Variants in GRID2 observed in about 807,000 individuals in gnomAD.
GRID2 encodes glutamate ionotropic receptor delta type subunit 2.
A neutral mutation model predicts 114.8 loss-of-function variants in GRID2; 33 were observed. That is an observed-to-expected ratio of 0.29 (90% confidence interval 0.22 to 0.38). The LOEUF (loss-of-function observed/expected upper bound fraction) is 0.38. Among genes scored for constraint, GRID2 ranks in the 10% least tolerant of loss-of-function variants. GRID2 has a pLI of 1.00. For synonymous variants in GRID2, 505 were observed against 449.9 expected, an observed-to-expected ratio of 1.12 and a Z score of -1.55; for missense variants, 1,184 against 1,257.7, an observed-to-expected ratio of 0.94 and a Z score of 0.89.
At chr4:92,416,320 A>G (rs984319168) in intron 1 of GRID2, among the ~76,000 whole-genome samples, 14 of 152,216 alleles carry the variant, frequency 9.2e-5, no homozygotes, top group African/African-American at 3.1e-4. Context: ...TGTCGGATGC[A>G]TAGTTTGCAA....
At chr4:92,846,153 C>T (rs1270576538) in intron 2 of GRID2, among the ~76,000 whole-genome samples, 1 of 152,076 alleles carries the variant, frequency 6.6e-6, no homozygotes, top group Non-Finnish European at 1.5e-5. Context: ...CTTTCGTCTT[C>T]ATTTCTGTTT....
chr4:92,501,927 C>T (rs908031107), intron 1 of GRID2, among the ~76,000 whole-genome samples: 4 of 152,080 alleles, frequency 2.6e-5, no homozygotes, highest in African/African-American at 7.2e-5. Flanking sequence ...TGGATATAGG[C>T]ATAGAATATT....
At chr4:92,419,850 T>C (rs563016042) in intron 1 of GRID2, among the ~76,000 whole-genome samples, 13 of 152,234 alleles carry the variant, frequency 8.5e-5, no homozygotes, top group African/African-American at 3.1e-4. Flanking sequence ...TAGTCAATAG[T>C]AATCATCAGA....
chr4:92,987,042 A>G (rs1254955074), intron 2 of GRID2, among the ~76,000 whole-genome samples: 1 of 152,196 alleles, frequency 6.6e-6, no homozygotes, highest in Non-Finnish European at 1.5e-5. Context: ...TTCAGAGTAG[A>G]TTCTTAACAA....
At chr4:92,665,295 A>G (rs1293816773) in intron 2 of GRID2, among the ~76,000 whole-genome samples, 1 of 150,836 alleles carries the variant, frequency 6.6e-6, no homozygotes, top group Non-Finnish European at 1.5e-5. Context: ...TAACAAAAAA[A>G]AAAAAAACCT....
chr4:92,916,723 G>C (rs963802738), intron 2 of GRID2, among the ~76,000 whole-genome samples: 5 of 152,134 alleles, frequency 3.3e-5, no homozygotes, highest in African/African-American at 9.7e-5. Flanking sequence ...GTATTCCATG[G>C]TGTATATGTG....
chr4:93,612,507 G>T (rs1249935601), intron 13 of GRID2, among the ~76,000 whole-genome samples: 2 of 116,946 alleles, frequency 1.7e-5, no homozygotes, highest in African/African-American at 3.3e-5. Context: ...GGCAGGCCTG[G>T]TGGTGACAAA....
intron 14 of GRID2, among the ~76,000 whole-genome samples, chr4:93,752,854 C>A (rs1732442023): frequency 6.6e-6 from 1 of 152,068 alleles, no homozygotes; most frequent in Non-Finnish European, 1.5e-5. Context: ...CATTGTTTTG[C>A]AGGTAAAATC....
intron 2 of GRID2, among the ~76,000 whole-genome samples, chr4:92,805,368 G>A (rs1740360513): frequency 1.3e-5 from 2 of 151,872 alleles, no homozygotes; most frequent in African/African-American, 4.8e-5. Flanking sequence ...GGTGTTAATA[G>A]AAATTACTAT....
rs181835350 is a variant in GRID2, at chr4:92,665,972, G to A, written c.244+75686G>A. Among the ~76,000 whole-genome samples the A allele has an allele frequency of 3.3e-5, 5 of 151,182 alleles. No individual in the cohort carries two copies. In the East Asian group the frequency reaches 9.7e-4, roughly 29 times the overall value. ...ATATTCCTGTCTTTCCTCAAATTTTGGAAATTTTCAGAAACTATTTAAATA... is the reference window on the plus strand; with the variant it reads ...ATATTCCTGTCTTTCCTCAAATTTTAGAAATTTTCAGAAACTATTTAAATA... On this transcript the variant is annotated intron_variant, in intron 2 of 15. Transcript: ENST00000282020.
chr4:93,582,845 A>G (rs757573771), intron 13 of GRID2, among the ~76,000 whole-genome samples: 7 of 152,208 alleles, frequency 4.6e-5, no homozygotes, highest in Non-Finnish European at 1.0e-4. Flanking sequence ...ATTTTGTATG[A>G]CATTGTATTA....
intron 1 of GRID2, among the ~76,000 whole-genome samples, chr4:92,391,049 G>A (rs1301296140): frequency 1.3e-5 from 2 of 152,120 alleles, no homozygotes; most frequent in African/African-American, 4.8e-5. Flanking sequence ...CTTACTAATA[G>A]CCAAAGAAGT....
intron 1 of GRID2, among the ~76,000 whole-genome samples, chr4:92,480,631 A>C (rs1722540954): frequency 6.6e-6 from 1 of 152,118 alleles, no homozygotes; most frequent in Admixed American, 6.6e-5. Context: ...TGGGGAGAAT[A>C]TGTTGTTTGT....
intron 4 of GRID2, among the ~76,000 whole-genome samples, chr4:93,203,580 G>A (rs927081604): frequency 2.0e-5 from 3 of 152,050 alleles, no homozygotes; most frequent in African/African-American, 7.2e-5. Flanking sequence ...AGAATTAAAA[G>A]TTACTCTAGT....
intron 4 of GRID2, among the ~76,000 whole-genome samples, chr4:93,205,866 G>A (rs914901937): frequency 6.6e-6 from 1 of 152,006 alleles, no homozygotes; most frequent in African/African-American, 2.4e-5. Context: ...GCTGTGAGAT[G>A]GTATCTCATT....
intron 8 of GRID2, among the ~76,000 whole-genome samples, chr4:93,307,340 C>CT (rs1755544773): frequency 6.6e-6 from 1 of 151,884 alleles, no homozygotes; most frequent in Admixed American, 6.6e-5. Flanking sequence ...ATTAAATGCT[C>CT]TTTTTTAATC....
intron 4 of GRID2, among the ~76,000 whole-genome samples, chr4:93,128,360 G>A (rs1734493750): frequency 6.6e-6 from 1 of 152,116 alleles, no homozygotes; most frequent in Non-Finnish European, 1.5e-5. Context: ...GAGAGAAAAA[G>A]AGAGAGGAAG....
At chr4:93,547,259 G>T (rs1733315080) in intron 13 of GRID2, among the ~76,000 whole-genome samples, 1 of 152,198 alleles carries the variant, frequency 6.6e-6, no homozygotes, top group East Asian at 1.9e-4. Context: ...CCTAGTGATG[G>T]GGAATGGGGG....
chr4:92,312,042 C>T (rs750689431), intron 1 of GRID2, among the ~76,000 whole-genome samples: 6 of 151,860 alleles, frequency 4.0e-5, no homozygotes. Flanking sequence ...AGGATGTGAA[C>T]CATGTGGATA....
Sources: allele counts gnomAD v4.1 joint callset (sites outside exome capture counted in the v4.1 genomes callset), GRCh38; gene constraint gnomAD v4.1.1; transcripts MANE v1.5; gene names NCBI Gene and HGNC (gene_info 2026-07-23, HGNC 2026-07-21).